Variants in NUGGC observed in about 807,000 individuals in gnomAD.
The protein encoded by NUGGC is nuclear GTPase, germinal center associated.
Under a neutral mutation model 92.6 loss-of-function variants are expected in NUGGC, and 58 were observed. That is an observed-to-expected ratio of 0.63 (90% CI 0.51 to 0.78). NUGGC has a LOEUF of 0.78. NUGGC is among the 30% of genes least tolerant of loss of function. The pLI is 0.00. For synonymous variants in NUGGC, 376 were observed against 366.4 expected, an observed-to-expected ratio of 1.03 and a Z score of -0.30; for missense variants, 925 against 964.6, an observed-to-expected ratio of 0.96 and a Z score of 0.54.
intron 5 of NUGGC, 60 bp downstream of exon 5, chr8:28,068,156 A>G: frequency 9.8e-7 from 1 of 1,024,898 alleles, no homozygotes; most frequent in Non-Finnish European, 1.5e-6. Flanking sequence ...GGAACGAAAA[A>G]GGAAGAAAGG....
At chr8:28,036,412 T>C (rs1230521534) in intron 13 of NUGGC, among the ~76,000 whole-genome samples, 2 of 151,914 alleles carry the variant, frequency 1.3e-5, no homozygotes, top group Non-Finnish European at 2.9e-5. Flanking sequence ...TCAATCCCAT[T>C]CACTGGTATA....
In NUGGC at chr8:28,070,471, T is replaced by G. The variant is rs114184952; in HGVS notation, c.44-115A>C. On this transcript the variant is annotated intron_variant, in intron 2 of 18. Transcript: ENST00000413272. ...TAACAGACTGGCTGGGTGCAGTGGC[T>G]CATGTCTGTAATCTGAAGCATGAGG... 1,531 of 596,988 alleles carry G rather than the reference T, an allele frequency of 2.6e-3. 27 individuals are homozygous for G. The African/African-American group carries it at 0.026, about 10-fold the overall frequency. The allele number at this position is 596,988 out of a possible 1,614,324, so 37.0% of individuals were successfully genotyped here.
intron 15 of NUGGC, 81 bp downstream of exon 15, chr8:28,031,162 C>T: frequency 1.3e-6 from 2 of 1,508,174 alleles, no homozygotes; most frequent in Non-Finnish European, 1.8e-6. Flanking sequence ...AACAAGGGAA[C>T]AGACAGGCAA....
chr8:28,082,825 G>C (rs1325396317), intron 1 of NUGGC, among the ~76,000 whole-genome samples: 1 of 152,078 alleles, frequency 6.6e-6, no homozygotes, highest in East Asian at 1.9e-4. Flanking sequence ...AGGATTACTT[G>C]AGCCCAGAAG....
intron 11 of NUGGC, among the ~76,000 whole-genome samples, chr8:28,047,210 T>C (rs1162008262): frequency 6.6e-6 from 1 of 152,134 alleles, no homozygotes; most frequent in African/African-American, 2.4e-5. Flanking sequence ...CCTCAGGTGA[T>C]CTACCCACTT....
At chr8:28,036,178 C>G (rs1028411316) in intron 13 of NUGGC, among the ~76,000 whole-genome samples, 1 of 152,180 alleles carries the variant, frequency 6.6e-6, no homozygotes, top group African/African-American at 2.4e-5. Flanking sequence ...TCAGCCTTAA[C>G]AAACTTTATT....
At chr8:28,034,772 G>A (rs777488622) in intron 13 of NUGGC, among the ~76,000 whole-genome samples, 3 of 151,998 alleles carry the variant, frequency 2.0e-5, no homozygotes, top group African/African-American at 7.3e-5. Context: ...AGCCGAGATC[G>A]CAGCACTGCA....
At chr8:28,068,785 G>A (rs1047462129) in intron 4 of NUGGC, among the ~76,000 whole-genome samples, 1 of 152,154 alleles carries the variant, frequency 6.6e-6, no homozygotes, top group African/African-American at 2.4e-5. Flanking sequence ...CACCCAGGCT[G>A]GAGTGCAGTG....
intron 13 of NUGGC, among the ~76,000 whole-genome samples, chr8:28,034,099 C>T (rs1388233523): frequency 2.0e-5 from 3 of 152,080 alleles, no homozygotes; most frequent in Admixed American, 6.5e-5. Context: ...AATTATTGAA[C>T]GACTAAATAA....
At chr8:28,060,944 G>T (rs1810289625) in intron 7 of NUGGC, among the ~76,000 whole-genome samples, 1 of 152,190 alleles carries the variant, frequency 6.6e-6, no homozygotes, top group Admixed American at 6.5e-5. Context: ...TCTGCCCCTT[G>T]ATGGGAAGCG....
At chr8:28,059,042 G>T (rs898441401) in intron 8 of NUGGC, among the ~76,000 whole-genome samples, 9 of 152,108 alleles carry the variant, frequency 5.9e-5, no homozygotes, top group African/African-American at 2.2e-4. Context: ...GGAAAGGGAG[G>T]GCTGGAGATA....
rs532701078 is a variant in NUGGC, at chr8:28,054,469, G to A, written c.1206+1496C>T. On this transcript the variant is annotated intron_variant, in intron 10 of 18. Transcript: ENST00000413272. Reference sequence around the variant, plus strand: ...TGCACTCCAGCCTGGGCAACGGAGCGCAACTCTGTCTCAAAATAAAAAAGT... The same window carrying A: ...TGCACTCCAGCCTGGGCAACGGAGCACAACTCTGTCTCAAAATAAAAAAGT... Among the ~76,000 whole-genome samples the A allele has an allele frequency of 5.3e-5, 8 of 151,908 alleles. No homozygotes were observed. The South Asian group carries it at 6.3e-4, about 12-fold the overall frequency.
In NUGGC at chr8:28,031,239, G is replaced by T. The variant is rs559150872; in HGVS notation, c.1908+4C>A. On this transcript the variant is annotated splice_donor_region_variant and intron_variant, in intron 15 of 18. Coordinates refer to ENST00000413272, the MANE Select transcript of NUGGC (RefSeq NM_001010906.2). ...CTGCTCTCCTCACTTTATAAGGAAC[G>T]TACCTCCTGGATCAGGAAATTTTTT... The T allele has an allele frequency of 2.1e-5, 34 of 1,613,850 alleles. No homozygotes were observed. Among genetic ancestry groups the T allele is most frequent in the Non-Finnish European group, 2.5e-5 (30 of 1,179,860 alleles).
rs529628667 is a variant in NUGGC, at chr8:28,072,994, T to C, written c.43+1374A>G. ...CTGAGCTGAGATGCGGTTTCATTGTTGACTGTTGAAATTTTTTTTTTTTTT... is the reference window on the plus strand; with the variant it reads ...CTGAGCTGAGATGCGGTTTCATTGTCGACTGTTGAAATTTTTTTTTTTTTT... On this transcript the variant is annotated intron_variant, in intron 2 of 18. Coordinates refer to ENST00000413272, the MANE Select transcript of NUGGC (RefSeq NM_001010906.2). Among the ~76,000 whole-genome samples, 26 of 141,886 alleles carry C rather than the reference T, an allele frequency of 1.8e-4. No individual in the cohort carries two copies. The South Asian group carries it at 5.7e-3, about 31-fold the overall frequency. 93.1% of individuals were successfully genotyped at this position (141,886 alleles called of 152,430 possible). A position where few individuals can be genotyped will look rare whatever the true frequency, so the allele number is the denominator to read the frequency against.
At chr8:28,054,495 T>TA (rs943800552) in intron 10 of NUGGC, among the ~76,000 whole-genome samples, 16 of 150,162 alleles carry the variant, frequency 1.1e-4, no homozygotes, top group South Asian at 6.3e-4. Context: ...ATAAAAAAGT[T>TA]AAAAAAAAAG....
At chr8:28,045,703 G>T in intron 11 of NUGGC, 43 bp from the exon 12 acceptor site, 1 of 1,594,028 alleles carries the variant, frequency 6.3e-7, no homozygotes, top group Non-Finnish European at 8.5e-7. Flanking sequence ...AAGGCCAGAA[G>T]TTTGTGGTCA....
At chr8:28,069,893 G>A (rs911351189) in intron 3 of NUGGC, among the ~76,000 whole-genome samples, 1 of 152,330 alleles carries the variant, frequency 6.6e-6, no homozygotes, top group African/African-American at 2.4e-5. Flanking sequence ...CAGAAGTTAT[G>A]GTATGCTTGG....
In NUGGC at chr8:28,023,448, A is replaced by G. The variant is rs945869518; in HGVS notation, c.2260T>C (p.Tyr754His). 13 of 1,613,480 alleles carry G rather than the reference A, an allele frequency of 8.1e-6. No individual in the cohort carries two copies. Among genetic ancestry groups the G allele is most frequent in the Non-Finnish European group, 1.1e-5 (13 of 1,179,768 alleles). Residue 754 changes from tyrosine to histidine, a missense_variant, in exon 19 of 19, where the codon TAC (tyrosine) becomes CAC (histidine). By Grantham distance (83) the Tyr-to-His change is moderately conservative. Transcript: ENST00000413272. ...CTGTGCAGCTTCTCCATCTCCTTGT[A>G]TTCACTCCCGACATCTACAGGAGAG... Reference protein sequence around the residue: ...YKELADVGSEYKEMEKLHRSL... With the variant: ...YKELADVGSEHKEMEKLHRSL...
chr8:28,052,586 AG>A (rs932061390), intron 10 of NUGGC, among the ~76,000 whole-genome samples: 1 of 152,226 alleles, frequency 6.6e-6, no homozygotes, highest in Non-Finnish European at 1.5e-5. Context: ...GCAAGCAGAC[AG>A]AACTGTACCA....
Sources: allele counts gnomAD v4.1 joint callset (sites outside exome capture counted in the v4.1 genomes callset), GRCh38; gene constraint gnomAD v4.1.1; transcripts MANE v1.5; gene names NCBI Gene and HGNC (gene_info 2026-07-23, HGNC 2026-07-21).